The following NR1H2 variants were observed in gnomAD, a reference collection of about 807,000 sequenced individuals.
NR1H2 encodes the protein nuclear receptor subfamily 1 group H member 2.
NR1H2 carries 33 observed loss-of-function variants against 51.2 expected under a neutral mutation model. The ratio of observed to expected loss-of-function variants is 0.64; its 90% CI spans 0.49 to 0.86. The LOEUF is 0.86. Ranked by LOEUF, NR1H2 falls within the 40% of genes least tolerant of loss-of-function variation. The pLI, the probability that NR1H2 is intolerant of heterozygous loss-of-function variation, is 0.00. For missense variants in NR1H2, 592 were observed against 639.9 expected, an observed-to-expected ratio of 0.93 and a Z score of 0.81; for synonymous variants, 310 against 264.3, an observed-to-expected ratio of 1.17 and a Z score of -1.68.
rs1380490967 is a variant in NR1H2, at chr19:50,377,648, G to A, written c.43G>A (p.Gly15Arg). The A allele has an allele frequency of 6.2e-7, 1 of 1,613,538 alleles. No individual in the cohort carries two copies. ...TTSSLDTPLP[G>R]NGPPQPGAPS... The stretch of plus-strand genomic sequence containing the variant: ...GAGTTCCCTGGATACCCCCCTGCCT[G>A]GTGAGTGACTCTCTTCCCCACCCAG... The change falls in exon 3 of 10, where the codon GGA (glycine) becomes AGA (arginine). Residue 15 changes from glycine (G) to arginine (R), a missense_variant and splice_region_variant. This residue lies in a region of NR1H2 where 316 missense variants were observed against 313.4 expected (regional missense o/e 1.01). Transcript: ENST00000253727.
intron 8 of NR1H2, among the ~76,000 whole-genome samples, chr19:50,380,128 C>T (rs2037742316): frequency 6.6e-6 from 1 of 152,152 alleles, no homozygotes; most frequent in Admixed American, 6.6e-5. Flanking sequence ...CGACGGCATT[C>T]CAGCCTGGTG....
At chr19:50,380,908 C>T (rs1476811165) in intron 8 of NR1H2, among the ~76,000 whole-genome samples, 3 of 152,362 alleles carry the variant, frequency 2.0e-5, no homozygotes, top group South Asian at 2.1e-4. Flanking sequence ...GCTCACAGCA[C>T]AGGCAGAAGG....
chr19:50,382,054 C>T lies in NR1H2; in HGVS notation c.1116C>T (p.Leu372=). The T allele has an allele frequency of 6.4e-7, 1 of 1,559,746 alleles. No homozygotes were observed. Among genetic ancestry groups the T allele is most frequent in the Non-Finnish European group, 8.7e-7 (1 of 1,151,866 alleles). ...LGLDDAEYAL[L]IAINIFSADR... ...TGGACGACGCTGAGTACGCCCTGCT[C>T]ATCGCCATCAACATCTTCTCGGCCG... The change falls in exon 9 of 10, where the codon CTC becomes CTT. Residue 372 remains leucine, a synonymous_variant. Transcript: ENST00000253727.
In NR1H2 at chr19:50,378,317, G is replaced by A. The variant is rs199614544; in HGVS notation, c.350G>A (p.Arg117His). 72 of 1,613,090 alleles carry A rather than the reference G, an allele frequency of 4.5e-5. No homozygotes were observed. Among genetic ancestry groups the A allele is most frequent in the Middle Eastern group, 1.6e-4 (1 of 6,062 alleles). The change falls in exon 5 of 10, where the codon CGT becomes CAT. Residue 117 changes from arginine (R) to histidine (H), a missense_variant. Coordinates refer to ENST00000253727, the MANE Select transcript of NR1H2 (RefSeq NM_007121.7). ...GGCTTCTTCCGGCGCAGTGTGGTCC[G>A]TGGTGGGGCCAGGCGCTATGCCTGC... ...CKGFFRRSVV[R>H]GGARRYACRG...
At chr19:50,381,044 G>A (rs2037757670) in intron 8 of NR1H2, among the ~76,000 whole-genome samples, 2 of 152,054 alleles carry the variant, frequency 1.3e-5, no homozygotes, top group Admixed American at 6.5e-5. Context: ...ACCTGGCCTC[G>A]CTCACTCTCT....
In NR1H2 at chr19:50,377,634, A is replaced by G; in HGVS notation, c.29A>G (p.Asp10Gly). MSSPTTSSL[D>G]TPLPGNGPPQ... ...TCCTCTCCTACCACGAGTTCCCTGG[A>G]TACCCCCCTGCCTGGTGAGTGACTC... Residue 10 changes from aspartate (D) to glycine (G), a missense_variant, in exon 3 of 10, where the codon GAT becomes GGT. Physicochemically the swap from Asp to Gly is moderately conservative, Grantham distance 94. This residue lies in a region of NR1H2 where 316 missense variants were observed against 313.4 expected (regional missense o/e 1.01). Coordinates refer to ENST00000253727, the MANE Select transcript of NR1H2 (RefSeq NM_007121.7). 4.3e-6 allele frequency: 7 copies of G among 1,613,654 alleles called. No homozygotes were observed. Among genetic ancestry groups the G allele is most frequent in the South Asian group, 1.1e-5 (1 of 91,066 alleles).
At chr19:50,379,963 C>A (rs899865699) in intron 8 of NR1H2, 84 bp downstream of exon 8, 1 of 899,500 alleles carries the variant, frequency 1.1e-6, no homozygotes, top group African/African-American at 1.6e-5. Flanking sequence ...GTTGGAGTCT[C>A]TGTTTCTTTA....
In NR1H2 at chr19:50,379,004, C is replaced by T. The variant is rs1250658002; in HGVS notation, c.750C>T (p.Pro250=). 41 of 1,607,502 alleles carry T rather than the reference C, an allele frequency of 2.6e-5. 1 individual carries two copies. In the Admixed American group the frequency reaches 6.6e-4, roughly 26 times the overall value. Residue 250 remains proline, a splice_region_variant and synonymous_variant, in exon 7 of 10, where the codon CCC becomes CCT. Transcript: ENST00000253727. ...GACCCTGGTCTCCTGTGTCCCAGCC[C>T]TGGCCCCTGGGCGCAGACCCCCAGT... ...RSFSDQPKVT[P]WPLGADPQSR...
intron 6 of NR1H2, 29 bp from the exon 7 acceptor site, chr19:50,378,973 G>A (rs1463876469): frequency 6.3e-7 from 1 of 1,584,270 alleles, no homozygotes; most frequent in African/African-American, 1.3e-5. Context: ...ACAAAGACCT[G>A]GGAGTGACCC....
At chr19:50,377,395 C>T (rs1388637993) in intron 2 of NR1H2, 192 bp from the exon 3 acceptor site, 8 of 507,028 alleles carry the variant, frequency 1.6e-5, no homozygotes, top group East Asian at 1.0e-4. Context: ...TGAAGGCTGG[C>T]GTGGAACAGA....
At position 50,382,501 on chromosome 19, in the gene NR1H2, C is replaced by T. The variant is rs750511813; in HGVS notation, c.1282C>T (p.Arg428Cys). 6.2e-6 allele frequency: 10 copies of T among 1,610,574 alleles called. No homozygotes were observed. The highest frequency in any genetic ancestry group is 2.7e-5 in the African/African-American group (2 of 74,902). The change falls in exon 10 of 10, where the codon CGC becomes TGC. Residue 428 changes from arginine (R) to cysteine (C), a missense_variant. Arg to Cys is a radical substitution (Grantham distance 180, BLOSUM62 -3). Around this residue, in one of 3 missense-constraint regions of NR1H2, gnomAD observed 174 missense variants for 174.0 expected, o/e 1.00. Coordinates refer to ENST00000253727, the MANE Select transcript of NR1H2 (RefSeq NM_007121.7). ...CATGCTCATGAAGCTGGTGAGCCTGCGCACGCTGAGCTCTGTGCACTCGGA... is the reference window on the plus strand; with the variant it reads ...CATGCTCATGAAGCTGGTGAGCCTGTGCACGCTGAGCTCTGTGCACTCGGA... The part of the protein sequence containing the change: ...PRMLMKLVSL[R>C]TLSSVHSEQV...
At chr19:50,379,961 C>G in intron 8 of NR1H2, 82 bp downstream of exon 8, 1 of 914,986 alleles carries the variant, frequency 1.1e-6, no homozygotes. Context: ...CTGTTGGAGT[C>G]TCTGTTTCTT....
Position 50,382,035 on chromosome 19 carries a change from A to G in NR1H2, c.1097A>G (p.Asp366Gly), listed in dbSNP as rs1207375123. ...GCCATGCGGCGGCTGGGCCTGGACG[A>G]CGCTGAGTACGCCCTGCTCATCGCC... ...SRAMRRLGLD[D>G]AEYALLIAIN... is the part of the protein sequence containing the mutation. Residue 366 changes from aspartate (D) to glycine (G), a missense_variant, in exon 9 of 10, where the codon GAC (aspartate) becomes GGC (glycine). Coordinates refer to ENST00000253727, the MANE Select transcript of NR1H2 (RefSeq NM_007121.7). 4 of 1,563,814 alleles carry G rather than the reference A, an allele frequency of 2.6e-6. No homozygotes were observed. Among genetic ancestry groups the G allele is most frequent in the Admixed American group, 1.9e-5 (1 of 53,188 alleles).
chr19:50,378,912 A>G (rs2248949), intron 6 of NR1H2, 90 bp from the exon 7 acceptor site: 923,373 of 1,544,118 alleles, frequency 0.6, 280,683 homozygotes, highest in East Asian at 0.88. Flanking sequence ...TGGGAAGAGG[A>G]TCCCCCAGGG....
In NR1H2 at chr19:50,382,470, C is replaced by T. The variant is rs1210395204; in HGVS notation, c.1251C>T (p.Phe417=). Residue 417 remains phenylalanine, a synonymous_variant, in exon 10 of 10, where the codon TTC becomes TTT. Transcript: ENST00000253727. ...TCCTCCCTCAGGACCAGCTGCGCTT[C>T]CCGCGCATGCTCATGAAGCTGGTGA... is the stretch of plus-strand genomic sequence containing the variant. ...RIKRPQDQLR[F]PRMLMKLVSL... is the part of the protein sequence containing the mutation. The T allele has an allele frequency of 1.2e-6, 2 of 1,604,614 alleles. No individual in the cohort carries two copies. Among genetic ancestry groups the T allele is most frequent in the Admixed American group, 1.7e-5 (1 of 58,852 alleles).
chr19:50,382,725 A>T lies in NR1H2; in HGVS notation c.*123A>T, dbSNP rs2037802375. Reference sequence around the variant, plus strand: ...CGAGCCTGTAGACCTATCGGCTCTCATCCCTTGGGATAAGCCCCAGTCCAG... The same window carrying T: ...CGAGCCTGTAGACCTATCGGCTCTCTTCCCTTGGGATAAGCCCCAGTCCAG... On this transcript the variant is annotated 3_prime_UTR_variant, in exon 10 of 10. Coordinates refer to ENST00000253727, the MANE Select transcript of NR1H2 (RefSeq NM_007121.7). 2.9e-6 allele frequency: 3 copies of T among 1,034,674 alleles called. No individual in the cohort carries two copies. The Admixed American group carries it at 8.3e-5, about 29-fold the overall frequency. The allele number at this position is 1,034,674 out of a possible 1,614,324, so 64.1% of individuals were successfully genotyped here.
At chr19:50,381,790 G>A (rs562311408) in intron 8 of NR1H2, among the ~76,000 whole-genome samples, 176 bp from the exon 9 acceptor site, 3 of 152,318 alleles carry the variant, frequency 2.0e-5, no homozygotes, top group Non-Finnish European at 2.9e-5. Flanking sequence ...CAGCATGTGT[G>A]GCACACCTAC....
chr19:50,377,408 G>A, intron 2 of NR1H2, 179 bp from the exon 3 acceptor site: 1 of 533,424 alleles, frequency 1.9e-6, no homozygotes, highest in African/African-American at 2.0e-5. Flanking sequence ...GGAACAGAAG[G>A]GGGCAGGTCT....
chr19:50,382,303 C>A, intron 9 of NR1H2, 129 bp downstream of exon 9: 2 of 1,336,888 alleles, frequency 1.5e-6, no homozygotes, highest in Non-Finnish European at 2.0e-6. Flanking sequence ...CCACCCTGCT[C>A]GACTGGGAGC....
Sources: allele counts gnomAD v4.1 joint callset (sites outside exome capture counted in the v4.1 genomes callset), GRCh38; gene constraint gnomAD v4.1.1; regional missense constraint gnomAD v4.1.1; transcripts MANE v1.5; gene names NCBI Gene and HGNC (gene_info 2026-07-23, HGNC 2026-07-21).